The following MBTD1 variants were observed in gnomAD, a reference collection of about 807,000 sequenced individuals.
MBTD1 encodes MBT domain-containing protein 1.
MBTD1 carries 24 observed loss-of-function variants against 87.8 expected under a neutral mutation model. The observed-to-expected ratio is 0.27, with a 90% CI of 0.20 to 0.38. MBTD1 has a LOEUF of 0.38. MBTD1 is among the 10% of genes least tolerant of loss of function. The pLI, the probability that MBTD1 is intolerant of heterozygous loss-of-function variation, is 1.00. For missense variants in MBTD1, 436 were observed against 760.2 expected (o/e 0.57, Z 5.02); for synonymous variants, 237 against 248.6 (o/e 0.95, Z 0.44).
chr17:51,193,300 C>A, intron 14 of MBTD1, 128 bp downstream of exon 14: 1 of 650,990 alleles, frequency 1.5e-6, no homozygotes. Context: ...TGTTTCATTG[C>A]TATATTTGTT....
chr17:51,199,710 T>C (rs960404524), intron 12 of MBTD1, among the ~76,000 whole-genome samples: 3 of 152,098 alleles, frequency 2.0e-5, no homozygotes, highest in South Asian at 2.1e-4. Flanking sequence ...TTAAATCTTA[T>C]TGGGTCATTC....
intron 12 of MBTD1, among the ~76,000 whole-genome samples, chr17:51,200,684 T>G (rs945592452): frequency 6.7e-6 from 1 of 148,616 alleles, no homozygotes; most frequent in African/African-American, 2.5e-5. Context: ...GGCAACATGG[T>G]GAAATCCCAT....
chr17:51,194,565 T>TAAA (rs1568156458), intron 13 of MBTD1, among the ~76,000 whole-genome samples: 3 of 12,588 alleles, frequency 2.4e-4, no homozygotes, highest in Non-Finnish European at 2.5e-4. Flanking sequence ...CGAGACTGTC[T>TAAA]CAAAAAAAAA....
Position 51,198,013 on chromosome 17 carries a change from A to C in MBTD1, c.1225-2652T>G, listed in dbSNP as rs145993584. Among the ~76,000 whole-genome samples the C allele has an allele frequency of 3.8e-3, 573 of 152,230 alleles. 5 individuals carry two copies. Among genetic ancestry groups the C allele is most frequent in the Middle Eastern group, 0.024 (7 of 294 alleles). The stretch of plus-strand genomic sequence containing the variant: ...ACAATGATGAGCTTCTACACCAGTG[A>C]TTCCTAAAGTTTTATCATGAGTTTG... On this transcript the variant is annotated intron_variant, in intron 12 of 16. Coordinates refer to ENST00000586178, the MANE Select transcript of MBTD1 (RefSeq NM_017643.3).
intron 2 of MBTD1, among the ~76,000 whole-genome samples, chr17:51,248,383 T>C (rs1048378850): frequency 1.3e-5 from 2 of 152,250 alleles, no homozygotes; most frequent in Non-Finnish European, 2.9e-5. Flanking sequence ...TGTAGTATTA[T>C]GTAGTACTTT....
At chr17:51,204,879 C>A (rs917775095) in intron 7 of MBTD1, among the ~76,000 whole-genome samples, 1 of 152,070 alleles carries the variant, frequency 6.6e-6, no homozygotes, top group Non-Finnish European at 1.5e-5. Context: ...AATGTGGCTA[C>A]TTTAAGAATC....
Position 51,179,494 on chromosome 17 carries a change from A to ATATATATATATATTTT in MBTD1, c.*1081_*1082insAAAATATATATATATA, listed in dbSNP as rs2050212047. On this transcript the variant is annotated 3_prime_UTR_variant, in exon 17 of 17. Coordinates refer to ENST00000586178, the MANE Select transcript of MBTD1 (RefSeq NM_017643.3). ...CAATTAAAGACAATTTTATATATAT[A>ATATATATATATATTTT]TATATATATATATATATATATATAT... is the stretch of plus-strand genomic sequence containing the variant. 2 of 41,462 alleles carry ATATATATATATATTTT rather than the reference A, an allele frequency of 4.8e-5. No homozygotes were observed. Among genetic ancestry groups the ATATATATATATATTTT allele is most frequent in the Admixed American group, 2.7e-4 (1 of 3,642 alleles). The allele number at this position is 41,462 out of a possible 1,614,324, so 2.6% of individuals were successfully genotyped here. A position where few individuals can be genotyped will look rare whatever the true frequency, so the allele number is the denominator to read the frequency against.
In MBTD1 at chr17:51,178,366, T is replaced by C. The variant is rs2050171813; in HGVS notation, c.*2210A>G. On this transcript the variant is annotated 3_prime_UTR_variant, in exon 17 of 17. Coordinates refer to ENST00000586178, the MANE Select transcript of MBTD1 (RefSeq NM_017643.3). Reference sequence around the variant, plus strand: ...AAGAAACACTTCATGAATTAGGAAATTCTAAAACACTCAGAGCCTGGGTTT... The same window carrying C: ...AAGAAACACTTCATGAATTAGGAAACTCTAAAACACTCAGAGCCTGGGTTT... The C allele has an allele frequency of 6.6e-6, 1 of 152,198 alleles. No homozygotes were observed. Among genetic ancestry groups the C allele is most frequent in the African/African-American group, 2.4e-5 (1 of 41,450 alleles). 9.4% of individuals were successfully genotyped at this position (152,198 alleles called of 1,614,324 possible).
At position 51,193,386 on chromosome 17, in the gene MBTD1, A is replaced by T. The variant is rs764197705; in HGVS notation, c.1455+42T>A. 17 of 1,320,300 alleles carry T rather than the reference A, an allele frequency of 1.3e-5. No individual in the cohort carries two copies. The South Asian group carries it at 2.1e-4, about 16-fold the overall frequency. The allele number at this position is 1,320,300 out of a possible 1,614,324, so 81.8% of individuals were successfully genotyped here. A position where few individuals can be genotyped will look rare whatever the true frequency, so the allele number is the denominator to read the frequency against. ...TGAACATAAATTGTATTTGTGGGGC[A>T]TTAATAAGTCCTCACATAATTATGC... On this transcript the variant is annotated intron_variant, in intron 14 of 16. Coordinates refer to ENST00000586178, the MANE Select transcript of MBTD1 (RefSeq NM_017643.3).
chr17:51,195,087 T>C, intron 13 of MBTD1, 127 bp downstream of exon 13: 1 of 678,846 alleles, frequency 1.5e-6, no homozygotes, highest in Non-Finnish European at 2.4e-6. Flanking sequence ...CTCCTGTATG[T>C]ATATGTTTAT....
chr17:51,194,566 C>CAAAAAAAA (rs71355733), intron 13 of MBTD1, among the ~76,000 whole-genome samples: 3 of 19,734 alleles, frequency 1.5e-4, no homozygotes, highest in African/African-American at 7.9e-4. Flanking sequence ...GAGACTGTCT[C>CAAAAAAAA]AAAAAAAAAA....
At position 51,179,520 on chromosome 17, in the gene MBTD1, A is replaced by ATATATATATATATTTATATT. The variant is rs2050227694; in HGVS notation, c.*1055_*1056insAATATAAATATATATATATA. ...TATATATATATATATATATATATAT[A>ATATATATATATATTTATATT]TATATATATATATATATGGAATTTT... On this transcript the variant is annotated 3_prime_UTR_variant, in exon 17 of 17. Transcript: ENST00000586178. The ATATATATATATATTTATATT allele has an allele frequency of 1.1e-5, 1 of 93,576 alleles. No homozygotes were observed. Among genetic ancestry groups the ATATATATATATATTTATATT allele is most frequent in the African/African-American group, 4.7e-5 (1 of 21,180 alleles). The allele number at this position is 93,576 out of a possible 1,614,324, so 5.8% of individuals were successfully genotyped here. A position where few individuals can be genotyped will look rare whatever the true frequency, so the allele number is the denominator to read the frequency against.
chr17:51,228,367 C>A (rs1048493193), intron 2 of MBTD1, among the ~76,000 whole-genome samples: 3 of 151,670 alleles, frequency 2.0e-5, no homozygotes, highest in Non-Finnish European at 4.4e-5. Context: ...CACAAGTACC[C>A]ATGAACTTAA....
At chr17:51,200,866 A>G (rs1016163409) in intron 12 of MBTD1, among the ~76,000 whole-genome samples, 3 of 140,318 alleles carry the variant, frequency 2.1e-5, no homozygotes, top group Non-Finnish European at 4.8e-5. Flanking sequence ...CATGTCTTTA[A>G]AAAAAAAAAA....
intron 12 of MBTD1, among the ~76,000 whole-genome samples, chr17:51,200,603 C>G (rs974177631): frequency 3.4e-5 from 5 of 148,026 alleles, no homozygotes; most frequent in Admixed American, 1.4e-4. Flanking sequence ...GTGGCTCATG[C>G]CTGTAATCCC....
At chr17:51,227,571 C>G (rs746706642) in intron 2 of MBTD1, among the ~76,000 whole-genome samples, 4 of 151,646 alleles carry the variant, frequency 2.6e-5, no homozygotes, top group Non-Finnish European at 5.9e-5. Flanking sequence ...AAACTCAAAA[C>G]CAAGAACCAC....
chr17:51,229,862 T>G (rs1424366689), intron 2 of MBTD1, among the ~76,000 whole-genome samples: 1 of 151,868 alleles, frequency 6.6e-6, no homozygotes, highest in African/African-American at 2.4e-5. Context: ...GGATTTCACC[T>G]CGTTAACCAG....
At chr17:51,255,021 G>A (rs557537807) in intron 2 of MBTD1, among the ~76,000 whole-genome samples, 106 of 152,270 alleles carry the variant, frequency 7.0e-4, no homozygotes, top group Non-Finnish European at 1.4e-3. Flanking sequence ...AGTGGCTCAC[G>A]CCTGTAATCC....
intron 16 of MBTD1, chr17:51,184,088 T>C (rs2050432565): frequency 1.3e-5 from 2 of 152,190 alleles, no homozygotes; most frequent in African/African-American, 4.8e-5. Context: ...AATATGAAAA[T>C]GATGTGCTAA....
Sources: allele counts gnomAD v4.1 joint callset (sites outside exome capture counted in the v4.1 genomes callset), GRCh38; gene constraint gnomAD v4.1.1; transcripts MANE v1.5; gene names NCBI Gene and HGNC (gene_info 2026-07-23, HGNC 2026-07-21).